DDB2: variants seen among roughly 807,000 people sequenced by gnomAD.
The protein encoded by DDB2 is damage specific DNA binding protein 2.
Under a neutral mutation model 50.5 loss-of-function variants are expected in DDB2, and 27 were observed. That is an observed-to-expected ratio of 0.53 (90% CI 0.39 to 0.74). The LOEUF (loss-of-function observed/expected upper bound fraction) is 0.74, where lower values mean the gene tolerates loss of function less well. Ranked by LOEUF, DDB2 falls within the 30% of genes least tolerant of loss-of-function variation. The pLI is 0.00. For synonymous variants in DDB2, 176 were observed against 205.5 expected (o/e 0.86, Z 1.23); for missense variants, 424 against 545.6 (o/e 0.78, Z 2.22).
intron 3 of DDB2, chr11:47,217,349 C>T (rs1590988894): frequency 5.0e-6 from 1 of 201,754 alleles, no homozygotes; most frequent in East Asian, 1.1e-4. Flanking sequence ...ACACTCCAGC[C>T]TGGGCAACAA....
At position 47,237,902 on chromosome 11, in the gene DDB2, T is replaced by C. The variant is rs1282202460; in HGVS notation, c.1089T>C (p.Ser363=). 1.2e-6 allele frequency: 2 copies of C among 1,613,992 alleles called. No homozygotes were observed. Among genetic ancestry groups the C allele is most frequent in the Non-Finnish European group, 1.7e-6 (2 of 1,180,018 alleles). ...GATACCCAGATCCTAATTTCAAAAG[T>C]TGTACCCCTTATGAATTGAGGACGA... The part of the protein sequence containing the change: ...VGRYPDPNFK[S]CTPYELRTID... Residue 363 remains serine (S), a synonymous_variant, in exon 8 of 10, where the codon AGT becomes AGC. Coordinates refer to ENST00000256996, the MANE Select transcript of DDB2 (RefSeq NM_000107.3).
intron 3 of DDB2, among the ~76,000 whole-genome samples, chr11:47,222,294 G>A (rs1327779469): frequency 2.0e-5 from 3 of 151,538 alleles, no homozygotes; most frequent in Non-Finnish European, 2.9e-5. Context: ...GCTTGTTTCA[G>A]TATAATTATT....
At chr11:47,228,600 G>T (rs1590996302) in intron 3 of DDB2, among the ~76,000 whole-genome samples, 3 of 145,898 alleles carry the variant, frequency 2.1e-5, no homozygotes, top group African/African-American at 7.7e-5. Flanking sequence ...CCAAGATTGT[G>T]CCACTGCACT....
At chr11:47,229,389 G>A (rs958637571) in intron 3 of DDB2, among the ~76,000 whole-genome samples, 20 of 152,158 alleles carry the variant, frequency 1.3e-4, no homozygotes, top group African/African-American at 4.6e-4. Context: ...GGCGGCCGTG[G>A]CGCCTGATGT....
intron 7 of DDB2, among the ~76,000 whole-genome samples, chr11:47,236,483 T>C (rs1172366864): frequency 2.6e-5 from 4 of 152,224 alleles, no homozygotes; most frequent in Non-Finnish European, 5.9e-5. Flanking sequence ...TATACTTCTC[T>C]GGTCAGTTCA....
At chr11:47,235,742 A>C in intron 7 of DDB2, 1 of 318,170 alleles carries the variant, frequency 3.1e-6, no homozygotes, top group Admixed American at 4.5e-5. Flanking sequence ...TGACCCACAA[A>C]CCTTCATTTT....
intron 3 of DDB2, among the ~76,000 whole-genome samples, chr11:47,223,448 A>C (rs575176715): frequency 6.6e-6 from 1 of 151,138 alleles, no homozygotes; most frequent in Admixed American, 6.6e-5. Context: ...GTGTCACTGC[A>C]CTCCATTCTG....
At chr11:47,229,849 G>C in intron 3 of DDB2, 1 of 380,500 alleles carries the variant, frequency 2.6e-6, no homozygotes, top group South Asian at 1.8e-5. Flanking sequence ...CTTCCTAATA[G>C]AGACAGGGTC....
chr11:47,232,273 G>A (rs1953659357), intron 3 of DDB2, among the ~76,000 whole-genome samples: 1 of 152,044 alleles, frequency 6.6e-6, no homozygotes, highest in African/African-American at 2.4e-5. Flanking sequence ...GAACCTGGAA[G>A]GCAGAGGTTG....
rs11376360 is a variant in DDB2, at chr11:47,229,818, C to CTTTTT, written c.457-2983_457-2979dup. ...CCCTATGCTTAATTTGATGGCTCTT[C>CTTTTT]TTTTTTTTTTTTTTTTTCTTCTTCC... On this transcript the variant is annotated intron_variant, in intron 3 of 9. Coordinates refer to ENST00000256996, the MANE Select transcript of DDB2 (RefSeq NM_000107.3). 303 of 329,450 alleles carry CTTTTT rather than the reference C, an allele frequency of 9.2e-4. 1 individual carries two copies. The highest frequency in any genetic ancestry group is 1.1e-3 in the Middle Eastern group (1 of 922). 20.4% of individuals were successfully genotyped at this position (329,450 alleles called of 1,614,324 possible). A position where few individuals can be genotyped will look rare whatever the true frequency, so the allele number is the denominator to read the frequency against.
chr11:47,216,517 T>G, intron 2 of DDB2, 45 bp downstream of exon 2: 1 of 1,611,244 alleles, frequency 6.2e-7, no homozygotes, highest in East Asian at 2.2e-5. Context: ...TACACGTGCA[T>G]TTTTACTATT....
chr11:47,217,103 C>T, intron 3 of DDB2, 54 bp downstream of exon 3: 1 of 1,517,072 alleles, frequency 6.6e-7, no homozygotes, highest in Non-Finnish European at 9.1e-7. Flanking sequence ...TGGCTGGGTG[C>T]AGTGGTTCGC....
chr11:47,215,075 C>T lies in DDB2; in HGVS notation c.-62C>T, dbSNP rs1288273230. The T allele has an allele frequency of 1.2e-6, 2 of 1,612,878 alleles. No individual in the cohort carries two copies. The highest frequency in any genetic ancestry group is 1.7e-6 in the Non-Finnish European group (2 of 1,179,352). ...CCCCGCCTTGTTTCTCCCCAGAGGCCTCTCAATCCTCCCTCCATGATCTTC... is the reference window on the plus strand; with the variant it reads ...CCCCGCCTTGTTTCTCCCCAGAGGCTTCTCAATCCTCCCTCCATGATCTTC... On this transcript the variant is annotated 5_prime_UTR_variant, in exon 1 of 10. Transcript: ENST00000256996.
At chr11:47,223,010 T>C (rs1953507628) in intron 3 of DDB2, among the ~76,000 whole-genome samples, 1 of 152,260 alleles carries the variant, frequency 6.6e-6, no homozygotes, top group Non-Finnish European at 1.5e-5. Context: ...TACTTTCCAC[T>C]GTTGTTTATC....
intron 3 of DDB2, among the ~76,000 whole-genome samples, chr11:47,218,383 A>G (rs1193519043): frequency 6.6e-6 from 1 of 152,240 alleles, no homozygotes; most frequent in East Asian, 1.9e-4. Context: ...ATGTATACAT[A>G]CGAGGTAATT....
rs552555611 is a variant in DDB2, at chr11:47,237,760, T to C, written c.1024-77T>C. 8 of 1,434,690 alleles carry C rather than the reference T, an allele frequency of 5.6e-6. No individual in the cohort carries two copies. The East Asian group carries it at 1.8e-4, about 33-fold the overall frequency. The allele number at this position is 1,434,690 out of a possible 1,614,324, so 88.9% of individuals were successfully genotyped here. On this transcript the variant is annotated intron_variant, in intron 7 of 9. Coordinates refer to ENST00000256996, the MANE Select transcript of DDB2 (RefSeq NM_000107.3). ...CAAAGAATACTTTTGATGTTCCTCT[T>C]TGTTCATATTTGTTTTTGATGTCCC...
intron 3 of DDB2, among the ~76,000 whole-genome samples, chr11:47,219,594 T>C (rs1009395320): frequency 6.6e-6 from 1 of 152,054 alleles, no homozygotes; most frequent in Non-Finnish European, 1.5e-5. Context: ...AAGCAATCCT[T>C]CTGTCTTGTC....
chr11:47,238,063 CAA>C lies in DDB2; in HGVS notation c.1188+65_1188+66del, dbSNP rs1470065139. On this transcript the variant is annotated intron_variant, in intron 8 of 9. Transcript: ENST00000256996. Reference sequence around the variant, plus strand: ...CAGGGATTCAACCTACCTTATTGACCAAAAGTGACCAGAAATCAGGTGTCTCT... The same window carrying C: ...CAGGGATTCAACCTACCTTATTGACCAAGTGACCAGAAATCAGGTGTCTCT... The C allele has an allele frequency of 1.9e-6, 3 of 1,611,808 alleles. No individual in the cohort carries two copies. In the African/African-American group the frequency reaches 4.0e-5, roughly 22 times the overall value.
chr11:47,233,823 G>A (rs763969144), intron 4 of DDB2, among the ~76,000 whole-genome samples: 9 of 152,190 alleles, frequency 5.9e-5, no homozygotes, highest in Non-Finnish European at 1.3e-4. Flanking sequence ...AACTAGCATT[G>A]GATTGGATCC....
Sources: allele counts gnomAD v4.1 joint callset (sites outside exome capture counted in the v4.1 genomes callset), GRCh38; gene constraint gnomAD v4.1.1; transcripts MANE v1.5; gene names NCBI Gene and HGNC (gene_info 2026-07-23, HGNC 2026-07-21).